Variants in SPATA6L observed in about 807,000 individuals in gnomAD.
SPATA6L encodes spermatogenesis associated 6-like protein.
A neutral mutation model predicts 49.2 loss-of-function variants in SPATA6L; 68 were observed. That is an observed-to-expected ratio of 1.38 (90% CI 1.14 to 1.69). The LOEUF (loss-of-function observed/expected upper bound fraction) is 1.69, where lower values mean the gene tolerates loss of function less well. Ranked by LOEUF, SPATA6L falls within the 40% of genes most tolerant of loss-of-function variation. SPATA6L has a pLI of 0.00. For synonymous variants in SPATA6L, 198 were observed against 165.7 expected, an observed-to-expected ratio of 1.19 and a Z score of -1.50; for missense variants, 668 against 464.3, an observed-to-expected ratio of 1.44 and a Z score of -4.03.
At chr9:4,659,173 C>T (rs1462527760) in intron 2 of SPATA6L, among the ~76,000 whole-genome samples, 1 of 152,124 alleles carries the variant, frequency 6.6e-6, no homozygotes, top group Non-Finnish European at 1.5e-5. Context: ...GTACATTCTT[C>T]ATTTAAATTA....
intron 3 of SPATA6L, chr9:4,646,256 T>G (rs1210792003): frequency 8.8e-6 from 3 of 340,274 alleles, no homozygotes; most frequent in Middle Eastern, 8.3e-4. Flanking sequence ...AGACAAGGAG[T>G]CTGTTTAAGT....
At chr9:4,590,214 G>T (rs537770927) in intron 13 of SPATA6L, among the ~76,000 whole-genome samples, 1 of 152,160 alleles carries the variant, frequency 6.6e-6, no homozygotes, top group Non-Finnish European at 1.5e-5. Flanking sequence ...TTGAACCACC[G>T]TGCCTGGCTG....
chr9:4,658,750 G>A (rs981019004), intron 2 of SPATA6L, among the ~76,000 whole-genome samples: 2 of 152,082 alleles, frequency 1.3e-5, no homozygotes, highest in Non-Finnish European at 2.9e-5. Context: ...CCAGCACTTT[G>A]GAAGGCCAAG....
At chr9:4,650,446 G>A (rs1156679755) in intron 3 of SPATA6L, among the ~76,000 whole-genome samples, 1 of 151,816 alleles carries the variant, frequency 6.6e-6, no homozygotes, top group Non-Finnish European at 1.5e-5. Context: ...AGCAAACAGA[G>A]GAAAGAAAAT....
chr9:4,590,178 C>A (rs980689971), intron 13 of SPATA6L, among the ~76,000 whole-genome samples: 4 of 152,194 alleles, frequency 2.6e-5, no homozygotes, highest in African/African-American at 9.7e-5. Context: ...CCTGCCTTGG[C>A]CGCCCAAAGT....
chr9:4,610,723 G>A (rs1826503995), intron 9 of SPATA6L, among the ~76,000 whole-genome samples: 1 of 151,676 alleles, frequency 6.6e-6, no homozygotes, highest in Admixed American at 6.6e-5. Context: ...ATACCATTCA[G>A]GACATAGGCA....
chr9:4,642,991 A>C (rs1023610124), intron 3 of SPATA6L, among the ~76,000 whole-genome samples: 1 of 152,224 alleles, frequency 6.6e-6, no homozygotes, highest in African/African-American at 2.4e-5. Context: ...AGATCATAAA[A>C]TAGGATAAAA....
chr9:4,641,210 A>G (rs570840879), intron 3 of SPATA6L, among the ~76,000 whole-genome samples: 1 of 152,294 alleles, frequency 6.6e-6, no homozygotes, highest in Non-Finnish European at 1.5e-5. Context: ...ACGTAACTAT[A>G]TATACTAAAT....
chr9:4,604,480 T>C (rs1239516560), intron 10 of SPATA6L, among the ~76,000 whole-genome samples: 1 of 152,136 alleles, frequency 6.6e-6, no homozygotes, highest in Non-Finnish European at 1.5e-5. Flanking sequence ...CCTCCTGGCC[T>C]CAAGGGATTC....
chr9:4,663,809 T>C (rs896714510), intron 1 of SPATA6L: 1 of 167,182 alleles, frequency 6.0e-6, no homozygotes, highest in Non-Finnish European at 1.5e-5. Context: ...GATTTCTTCT[T>C]AATCCTGATT....
In SPATA6L at chr9:4,618,085, A is replaced by G; in HGVS notation, c.833T>C (p.Ile278Thr). The G allele has an allele frequency of 6.2e-7, 1 of 1,610,832 alleles. No homozygotes were observed. The highest frequency in any genetic ancestry group is 8.5e-7 in the Non-Finnish European group (1 of 1,178,196). ...TGATGATGAGTCACTCCTTAAAACA[A>G]TCCGTTCATCTGGCTCTTTGATAAC... The part of the protein sequence containing the change: ...VKVIKEPDER[I>T]VLRSDSSSCL... Residue 278 changes from isoleucine to threonine, a missense_variant, in exon 9 of 12, where the codon ATT becomes ACT. By Grantham distance (89) the Ile-to-Thr change is moderately conservative. Coordinates refer to ENST00000682582, the MANE Select transcript of SPATA6L (RefSeq NM_001353486.2).
chr9:4,625,482 C>T lies in SPATA6L; in HGVS notation c.514G>A (p.Glu172Lys). 1 of 1,613,872 alleles carries T rather than the reference C, an allele frequency of 6.2e-7. No individual in the cohort carries two copies. The highest frequency in any genetic ancestry group is 8.5e-7 in the Non-Finnish European group (1 of 1,179,920). The part of the protein sequence containing the change: ...PLNTIKMKLK[E>K]NNLNRLPKGM... ...TTGGGCAGTCTGTTGAGATTATTCT[C>T]CTTTAGTTTCATCTTTATAGTATTT... is the stretch of plus-strand genomic sequence containing the variant. Residue 172 changes from glutamate to lysine, a missense_variant, in exon 6 of 12, where the codon GAG becomes AAG. Coordinates refer to ENST00000682582, the MANE Select transcript of SPATA6L (RefSeq NM_001353486.2).
intron 1 of SPATA6L, 96 bp downstream of exon 1, chr9:4,666,116 G>T (rs1369374910): frequency 4.4e-5 from 46 of 1,046,442 alleles, no homozygotes; most frequent in Non-Finnish European, 6.0e-5. Context: ...TGTGTTTGTG[G>T]TAAGTGGGGG....
chr9:4,626,206 C>T (rs905692351), intron 5 of SPATA6L: 25 of 246,248 alleles, frequency 1.0e-4, no homozygotes, highest in African/African-American at 4.3e-4. Flanking sequence ...AACCATTCTT[C>T]GCCTTAACAG....
intron 3 of SPATA6L, among the ~76,000 whole-genome samples, chr9:4,637,064 C>G (rs888340708): frequency 7.2e-5 from 11 of 152,148 alleles, no homozygotes; most frequent in African/African-American, 2.7e-4. Context: ...AGAATAAAAT[C>G]TAAGCACCCT....
At chr9:4,590,516 C>T (rs1821839192) in intron 13 of SPATA6L, among the ~76,000 whole-genome samples, 2 of 152,192 alleles carry the variant, frequency 1.3e-5, no homozygotes, top group Admixed American at 1.3e-4. Context: ...TTTAAGGTAT[C>T]ACCAAGTTCA....
At chr9:4,665,997 A>T (rs1046888995) in intron 1 of SPATA6L, among the ~76,000 whole-genome samples, 1 of 148,066 alleles carries the variant, frequency 6.8e-6, no homozygotes, top group Non-Finnish European at 1.5e-5. Flanking sequence ...GCTTTAGAAC[A>T]GAAAAAAAAA....
At chr9:4,589,897 A>G (rs1821794770) in intron 13 of SPATA6L, among the ~76,000 whole-genome samples, 1 of 152,168 alleles carries the variant, frequency 6.6e-6, no homozygotes, top group South Asian at 2.1e-4. Context: ...AAGAAGAAGC[A>G]GGCCTTGTTA....
At position 4,635,362 on chromosome 9, in the gene SPATA6L, T is replaced by C. The variant is rs908068763; in HGVS notation, c.264A>G (p.Arg88=). 13 of 1,590,752 alleles carry C rather than the reference T, an allele frequency of 8.2e-6. No individual in the cohort carries two copies. The highest frequency in any genetic ancestry group is 1.4e-5 in the African/African-American group (1 of 72,904). ...GCTTGGGCTCTGGGAAAAGAAAATC[T>C]CGTGTGTTTTCTTCGTAGTAGGCCA... ...DELAYYEENT[R]DFLFPEPKLT... Residue 88 remains arginine, a synonymous_variant, in exon 4 of 12, where the codon CGA becomes CGG. Transcript: ENST00000682582.
Sources: gnomAD v4.1 joint callset for allele counts (sites outside exome capture counted in the v4.1 genomes callset) on GRCh38, gnomAD v4.1.1 for gene constraint, MANE v1.5 for transcripts, NCBI Gene and HGNC (gene_info 2026-07-23, HGNC 2026-07-21) for gene names.